The following STPG2 variants were observed in gnomAD, a reference collection of about 807,000 sequenced individuals.
STPG2 encodes sperm tail PG-rich repeat containing 2.
Under a neutral mutation model 54.2 loss-of-function variants are expected in STPG2, and 56 were observed. The observed-to-expected ratio is 1.03, with a 90% CI of 0.83 to 1.29. STPG2 has a LOEUF of 1.29. Among genes scored for constraint, STPG2 ranks in the 50% most tolerant of loss-of-function variants. STPG2 has a pLI of 0.00. For synonymous variants in STPG2, 200 were observed against 181.8 expected, an observed-to-expected ratio of 1.10 and a Z score of -0.81; for missense variants, 596 against 544.9, an observed-to-expected ratio of 1.09 and a Z score of -0.93.
At chr4:97,644,590 G>T (rs750892809) in intron 10 of STPG2, among the ~76,000 whole-genome samples, 8 of 151,928 alleles carry the variant, frequency 5.3e-5, no homozygotes, top group Non-Finnish European at 7.4e-5. Context: ...AGCAAACATC[G>T]CATGGCTCTA....
intron 4 of STPG2, among the ~76,000 whole-genome samples, chr4:97,538,214 GAGA>G (rs1451785639): frequency 6.6e-6 from 1 of 152,210 alleles, no homozygotes; most frequent in Non-Finnish European, 1.5e-5. Flanking sequence ...GACGAGTTGA[GAGA>G]AGAAGGCTTC....
chr4:97,523,625 C>T (rs1197612742), intron 4 of STPG2, among the ~76,000 whole-genome samples: 4 of 151,860 alleles, frequency 2.6e-5, no homozygotes, highest in Admixed American at 2.6e-4. Flanking sequence ...TTCTATGCAA[C>T]TACTTGATTT....
intron 9 of STPG2, among the ~76,000 whole-genome samples, chr4:97,794,313 A>C (rs2149083200): frequency 6.6e-6 from 1 of 152,222 alleles, no homozygotes; most frequent in African/African-American, 2.4e-5. Context: ...TATAATCTCA[A>C]GTTCAGACAA....
chr4:98,026,232 C>G, intron 5 of STPG2: 1 of 1,036,090 alleles, frequency 9.7e-7, no homozygotes, highest in Non-Finnish European at 1.5e-6. Flanking sequence ...AAAGCAAGCC[C>G]CCTCAAGAGC....
intron 10 of STPG2, among the ~76,000 whole-genome samples, chr4:97,685,685 T>C (rs1723165488): frequency 6.6e-6 from 1 of 152,180 alleles, no homozygotes; most frequent in Admixed American, 6.5e-5. Flanking sequence ...AACACTAATG[T>C]AAATTATGGA....
chr4:97,955,570 T>A (rs1317887783), intron 7 of STPG2, among the ~76,000 whole-genome samples: 1 of 152,082 alleles, frequency 6.6e-6, no homozygotes, highest in Non-Finnish European at 1.5e-5. Context: ...CTAACACATA[T>A]ATTTATGAGA....
intron 9 of STPG2, among the ~76,000 whole-genome samples, chr4:97,743,524 TG>T (rs2149039405): frequency 6.6e-6 from 1 of 151,858 alleles, no homozygotes; most frequent in East Asian, 1.9e-4. Flanking sequence ...TGTCAATAGT[TG>T]ATCTTTCATT....
chr4:97,656,421 T>C (rs1423104301), intron 10 of STPG2, among the ~76,000 whole-genome samples: 1 of 152,120 alleles, frequency 6.6e-6, no homozygotes, highest in South Asian at 2.1e-4. Flanking sequence ...TGTAATTACT[T>C]AAGTAAGAGA....
chr4:97,848,570 A>C (rs1729041508), intron 8 of STPG2, among the ~76,000 whole-genome samples: 2 of 152,086 alleles, frequency 1.3e-5, no homozygotes, highest in African/African-American at 2.4e-5. Context: ...CCTCATCCTT[A>C]TATTCTCTCA....
At chr4:97,815,903 T>A (rs1270391378) in intron 9 of STPG2, among the ~76,000 whole-genome samples, 2 of 152,194 alleles carry the variant, frequency 1.3e-5, no homozygotes, top group African/African-American at 4.8e-5. Context: ...TATTCTACTT[T>A]AAGTTCTGGG....
chr4:97,456,891 C>CA (rs57563048), intron 4 of STPG2, among the ~76,000 whole-genome samples: 1,940 of 48,420 alleles, frequency 0.04, 38 homozygotes, highest in Non-Finnish European at 0.048. Context: ...TGCTCCGTCT[C>CA]AAAAAAAAAA....
intron 10 of STPG2, among the ~76,000 whole-genome samples, chr4:97,692,455 A>C (rs1328031275): frequency 1.3e-5 from 2 of 152,154 alleles, no homozygotes; most frequent in Non-Finnish European, 2.9e-5. Flanking sequence ...TCAGATATTC[A>C]AAGACAAGGC....
At position 98,143,203 on chromosome 4, in the gene STPG2, A is replaced by G. The variant is rs1206210388; in HGVS notation, c.-53T>C. On this transcript the variant is annotated 5_prime_UTR_variant, in exon 1 of 11. Coordinates refer to ENST00000295268, the MANE Select transcript of STPG2 (RefSeq NM_174952.3). ...GAAGGGCAGGTGCCGAAAACGATAAAAACAAGGTAGCTAGAAGTGTGGAGA... is the reference window on the plus strand; with the variant it reads ...GAAGGGCAGGTGCCGAAAACGATAAGAACAAGGTAGCTAGAAGTGTGGAGA... The G allele has an allele frequency of 2.1e-6, 3 of 1,413,552 alleles. No individual in the cohort carries two copies. The highest frequency in any genetic ancestry group is 3.0e-6 in the Non-Finnish European group (3 of 1,011,574). The allele number at this position is 1,413,552 out of a possible 1,614,324, so 87.6% of individuals were successfully genotyped here. A position where few individuals can be genotyped will look rare whatever the true frequency, so the allele number is the denominator to read the frequency against.
chr4:97,846,242 T>A (rs1728945238), intron 8 of STPG2, among the ~76,000 whole-genome samples: 2 of 151,984 alleles, frequency 1.3e-5, no homozygotes, highest in East Asian at 1.9e-4. Flanking sequence ...ATATTTTGAA[T>A]CTAAATGAGA....
At chr4:97,516,794 G>A (rs1731085209) in intron 4 of STPG2, among the ~76,000 whole-genome samples, 1 of 151,626 alleles carries the variant, frequency 6.6e-6, no homozygotes, top group African/African-American at 2.4e-5. Context: ...TGCCACTGGT[G>A]TCACTGCACT....
intron 4 of STPG2, among the ~76,000 whole-genome samples, chr4:97,448,941 T>C (rs1275291846): frequency 6.6e-6 from 1 of 152,146 alleles, no homozygotes; most frequent in Non-Finnish European, 1.5e-5. Flanking sequence ...TTTATAAACT[T>C]TGAAATATTA....
chr4:97,755,644 A>G (rs879483113), intron 9 of STPG2, among the ~76,000 whole-genome samples: 7 of 152,186 alleles, frequency 4.6e-5, no homozygotes, highest in Non-Finnish European at 1.0e-4. Flanking sequence ...GCATACCCAA[A>G]TTTGACCAAT....
At chr4:97,860,704 A>T (rs1469741194) in intron 8 of STPG2, among the ~76,000 whole-genome samples, 1 of 152,082 alleles carries the variant, frequency 6.6e-6, no homozygotes, top group Non-Finnish European at 1.5e-5. Context: ...TTCTAGATAC[A>T]TGACCGTATC....
At chr4:97,503,866 ATATT>A (rs1290025196) in intron 4 of STPG2, among the ~76,000 whole-genome samples, 112 of 4,686 alleles carry the variant, frequency 0.024, no homozygotes, top group African/African-American at 0.11. Flanking sequence ...TTTTAAAAAT[ATATT>A]TAAATATTTT....
Sources: gnomAD v4.1 joint callset for allele counts (sites outside exome capture counted in the v4.1 genomes callset) on GRCh38, gnomAD v4.1.1 for gene constraint, MANE v1.5 for transcripts, NCBI Gene and HGNC (gene_info 2026-07-23, HGNC 2026-07-21) for gene names.